The following COL8A1 variants were observed in gnomAD, a reference collection of about 807,000 sequenced individuals.
COL8A1 encodes the protein collagen type VIII alpha 1 chain, also known as collagen alpha-1(VIII) chain.
COL8A1 carries 21 observed loss-of-function variants against 42.7 expected under a neutral mutation model. The observed-to-expected ratio is 0.49, with a 90% CI of 0.35 to 0.71. The LOEUF (loss-of-function observed/expected upper bound fraction) is 0.71, where lower values mean the gene tolerates loss of function less well. COL8A1 is among the 30% of genes least tolerant of loss of function. The pLI, the probability that COL8A1 is intolerant of heterozygous loss-of-function variation, is 0.01. For synonymous variants in COL8A1, 367 were observed against 369.1 expected, an observed-to-expected ratio of 0.99 and a Z score of 0.06; for missense variants, 788 against 962.4, an observed-to-expected ratio of 0.82 and a Z score of 2.40.
At chr3:99,688,641 G>A (rs1939132107) in intron 1 of COL8A1, among the ~76,000 whole-genome samples, 1 of 152,126 alleles carries the variant, frequency 6.6e-6, no homozygotes, top group East Asian at 1.9e-4. Context: ...CATTTTGGGA[G>A]GTTCATTATT....
At position 99,794,257 on chromosome 3, in the gene COL8A1, A is replaced by C; in HGVS notation, c.356A>C (p.Glu119Ala). ...KEIPLASLRG[E>A]QGPRGEPGPR... ...ATACCATTAGCCAGTTTACGAGGGG[A>C]ACAAGGTCCCCGTGGAGAGCCTGGC... The change falls in exon 4 of 4, where the codon GAA (glutamate) becomes GCA (alanine). Residue 119 changes from glutamate to alanine, a missense_variant. Physicochemically the swap from Glu to Ala is moderately radical, Grantham distance 107 (BLOSUM62 -1). Coordinates refer to ENST00000652472, the MANE Select transcript of COL8A1 (RefSeq NM_020351.4). The surrounding 1 kb of genome is among the most constrained non-coding windows in gnomAD (Gnocchi z 4.3). 6.3e-7 allele frequency: 1 copy of C among 1,599,326 alleles called. No homozygotes were observed. The highest frequency in any genetic ancestry group is 8.5e-7 in the Non-Finnish European group (1 of 1,173,574).
chr3:99,771,983 T>A (rs1316053958), intron 2 of COL8A1, among the ~76,000 whole-genome samples: 1 of 152,206 alleles, frequency 6.6e-6, no homozygotes, highest in African/African-American at 2.4e-5. Flanking sequence ...TTGTCAGTCA[T>A]GAATACCTTC....
chr3:99,725,770 T>C (rs932168263), intron 1 of COL8A1, among the ~76,000 whole-genome samples: 2 of 152,082 alleles, frequency 1.3e-5, no homozygotes, highest in African/African-American at 4.8e-5. Flanking sequence ...CTGCATACTA[T>C]TCCATGGTGC....
At chr3:99,703,647 T>C (rs938730777) in intron 1 of COL8A1, 1 of 152,212 alleles carries the variant, frequency 6.6e-6, no homozygotes, top group African/African-American at 2.4e-5. Flanking sequence ...ATCGGAGTTA[T>C]TAGTAGAATT....
At chr3:99,752,423 T>A (rs900714065) in intron 2 of COL8A1, among the ~76,000 whole-genome samples, 1 of 152,088 alleles carries the variant, frequency 6.6e-6, no homozygotes, top group Non-Finnish European at 1.5e-5. Context: ...TCCCTTCCCT[T>A]CAAGCAAAAC....
intron 1 of COL8A1, among the ~76,000 whole-genome samples, chr3:99,699,025 A>G (rs756725109): frequency 6.6e-6 from 1 of 152,188 alleles, no homozygotes; most frequent in Non-Finnish European, 1.5e-5. Context: ...AAAAGCAGAA[A>G]CAAGTGCCAC....
chr3:99,675,503 AAAATC>A (rs1938665850), intron 1 of COL8A1, among the ~76,000 whole-genome samples: 1 of 152,082 alleles, frequency 6.6e-6, no homozygotes, highest in African/African-American at 2.4e-5. Context: ...GTTACTTGCC[AAAATC>A]ATCCAGCAGA....
Position 99,796,536 on chromosome 3 carries a change from G to A in COL8A1, c.*400G>A, listed in dbSNP as rs1942111789. 1 of 157,042 alleles carries A rather than the reference G, an allele frequency of 6.4e-6. No individual in the cohort carries two copies. The allele number at this position is 157,042 out of a possible 1,614,324, so 9.7% of individuals were successfully genotyped here. ...AAAATATTTATAAATATGCCTTAAA[G>A]AAATACAAATGATAACAATTACATA... On this transcript the variant is annotated 3_prime_UTR_variant, in exon 4 of 4. Transcript: ENST00000652472.
intron 1 of COL8A1, among the ~76,000 whole-genome samples, chr3:99,741,672 A>T (rs1243929505): frequency 6.6e-6 from 1 of 152,194 alleles, no homozygotes; most frequent in African/African-American, 2.4e-5. Context: ...GAGTGCCTAC[A>T]AATGGCTTCT....
intron 2 of COL8A1, among the ~76,000 whole-genome samples, chr3:99,747,489 T>C (rs1426384733): frequency 1.3e-5 from 2 of 152,210 alleles, no homozygotes; most frequent in Admixed American, 6.5e-5. Context: ...GGAAAACCTG[T>C]TGAATTGATC....
intron 1 of COL8A1, among the ~76,000 whole-genome samples, chr3:99,656,257 C>T (rs531363204): frequency 6.6e-6 from 1 of 152,252 alleles, no homozygotes; most frequent in South Asian, 2.1e-4. Flanking sequence ...TATGCAAACA[C>T]ACATGCATAA....
intron 2 of COL8A1, among the ~76,000 whole-genome samples, chr3:99,769,790 G>A (rs904298026): frequency 8.5e-5 from 13 of 152,100 alleles, no homozygotes; most frequent in African/African-American, 2.4e-4. Context: ...GTGGTGGTAC[G>A]CACTTGCAGT....
In COL8A1 at chr3:99,798,077, A is replaced by C. The variant is rs904006051; in HGVS notation, c.*1941A>C. On this transcript the variant is annotated 3_prime_UTR_variant, in exon 4 of 4. Coordinates refer to ENST00000652472, the MANE Select transcript of COL8A1 (RefSeq NM_020351.4). ...ATATAGATGGAAAAATACACAAATA[A>C]ATACGGTATGAAAACACATGGAAAT... 6.6e-6 allele frequency: 1 copy of C among 152,184 alleles called. No individual in the cohort carries two copies. Among genetic ancestry groups the C allele is most frequent in the African/African-American group, 2.4e-5 (1 of 41,450 alleles). 9.4% of individuals were successfully genotyped at this position (152,184 alleles called of 1,614,324 possible). A position where few individuals can be genotyped will look rare whatever the true frequency, so the allele number is the denominator to read the frequency against.
intron 1 of COL8A1, chr3:99,679,800 T>A (rs1237726617): frequency 2.0e-5 from 3 of 152,186 alleles, no homozygotes; most frequent in Non-Finnish European, 4.4e-5. Flanking sequence ...AAGTCAGAAT[T>A]TCTATTTGGG....
chr3:99,714,334 A>G (rs762656301), intron 1 of COL8A1, among the ~76,000 whole-genome samples: 1 of 152,064 alleles, frequency 6.6e-6, no homozygotes, highest in Non-Finnish European at 1.5e-5. Context: ...GCCCTCCACT[A>G]TGAAAGAAAA....
chr3:99,672,189 C>T (rs558846840), intron 1 of COL8A1, among the ~76,000 whole-genome samples: 6 of 151,996 alleles, frequency 3.9e-5, no homozygotes, highest in Non-Finnish European at 8.8e-5. Flanking sequence ...AATTAATTAA[C>T]GTCCTTGTTT....
At chr3:99,663,680 A>C (rs1321142424) in intron 1 of COL8A1, among the ~76,000 whole-genome samples, 1 of 152,174 alleles carries the variant, frequency 6.6e-6, no homozygotes, top group African/African-American at 2.4e-5. Context: ...TCTATACTAG[A>C]GGAAACAAAC....
chr3:99,715,511 A>G (rs1204241555), intron 1 of COL8A1, among the ~76,000 whole-genome samples: 1 of 152,018 alleles, frequency 6.6e-6, no homozygotes, highest in East Asian at 1.9e-4. Flanking sequence ...ACCCTAATCC[A>G]GAGAGGTAGA....
intron 2 of COL8A1, among the ~76,000 whole-genome samples, chr3:99,751,884 T>A (rs1576463056): frequency 6.6e-6 from 1 of 152,352 alleles, no homozygotes; most frequent in East Asian, 1.9e-4. Flanking sequence ...AAATGAGCGT[T>A]CTTAGCCACT....
Sources: allele counts gnomAD v4.1 joint callset (sites outside exome capture counted in the v4.1 genomes callset), GRCh38; gene constraint gnomAD v4.1.1; non-coding constraint Gnocchi (gnomAD v3.1); transcripts MANE v1.5; gene names NCBI Gene and HGNC (gene_info 2026-07-23, HGNC 2026-07-21).